The following AP1B1 variants were observed in gnomAD, a reference collection of about 807,000 sequenced individuals.
AP1B1 encodes adaptor related protein complex 1 subunit beta 1, also known as AP-1 complex subunit beta-1.
AP1B1 carries 36 observed loss-of-function variants against 104.3 expected under a neutral mutation model. The observed-to-expected ratio is 0.35, with a 90% CI of 0.26 to 0.46. The LOEUF is 0.46. AP1B1 is among the 20% of genes least tolerant of loss of function. The pLI is 1.00. For synonymous variants in AP1B1, 504 were observed against 517.5 expected (o/e 0.97, Z 0.35); for missense variants, 901 against 1,247.9 (o/e 0.72, Z 4.19).
chr22:29,359,709 G>T, intron 4 of AP1B1, 115 bp downstream of exon 4: 1 of 1,382,888 alleles, frequency 7.2e-7, no homozygotes. Flanking sequence ...GGCGGGCGCG[G>T]GCAGTCTGAA....
At chr22:29,339,300 A>T (rs2061680376) in intron 15 of AP1B1, among the ~76,000 whole-genome samples, 167 bp from the exon 16 acceptor site, 1 of 152,168 alleles carries the variant, frequency 6.6e-6, no homozygotes, top group African/African-American at 2.4e-5. Context: ...AGGTGGGTGG[A>T]GAAGAGAGGC....
chr22:29,347,384 A>G (rs1208780794), intron 11 of AP1B1, among the ~76,000 whole-genome samples: 1 of 152,218 alleles, frequency 6.6e-6, no homozygotes, highest in African/African-American at 2.4e-5. Context: ...TAGCAAGAGG[A>G]TGAGGGAAGA....
At chr22:29,346,597 C>T (rs2061796346) in intron 11 of AP1B1, among the ~76,000 whole-genome samples, 1 of 152,232 alleles carries the variant, frequency 6.6e-6, no homozygotes, top group South Asian at 2.1e-4. Context: ...CGCCGCTCAC[C>T]TCCCGCTGTG....
rs377468858 is a variant in AP1B1, at chr22:29,334,422, A to G, written c.2164-12T>C. The G allele has an allele frequency of 4.4e-5, 70 of 1,593,294 alleles. No individual in the cohort carries two copies. The African/African-American group carries it at 9.2e-4, about 21-fold the overall frequency. ...GCTGGGAGCCAGACCTGCAGGGAAG[A>G]GGGTGCGGAGGGGGCGGGTAGGTGC... is the stretch of plus-strand genomic sequence containing the variant. On this transcript the variant is annotated splice_polypyrimidine_tract_variant and intron_variant, in intron 16 of 22. Coordinates refer to ENST00000357586, the MANE Select transcript of AP1B1 (RefSeq NM_001127.4).
chr22:29,352,912 A>T (rs1323951171), intron 7 of AP1B1, among the ~76,000 whole-genome samples: 1 of 152,198 alleles, frequency 6.6e-6, no homozygotes, highest in African/African-American at 2.4e-5. Flanking sequence ...AGCATGATCG[A>T]TGCCTGCCTC....
intron 5 of AP1B1, among the ~76,000 whole-genome samples, chr22:29,357,102 C>T (rs2061971473): frequency 6.7e-6 from 1 of 149,184 alleles, no homozygotes; most frequent in African/African-American, 2.5e-5. Context: ...TGTGCTCTGT[C>T]GCCCAGGTTG....
chr22:29,388,112 G>A (rs1403383358), intron 1 of AP1B1, among the ~76,000 whole-genome samples: 3 of 152,240 alleles, frequency 2.0e-5, no homozygotes, highest in Non-Finnish European at 2.9e-5. Context: ...TCCGAAAGAG[G>A]AAATCAGAGC....
At chr22:29,346,174 G>C (rs1278195831) in intron 11 of AP1B1, among the ~76,000 whole-genome samples, 1 of 152,178 alleles carries the variant, frequency 6.6e-6, no homozygotes, top group East Asian at 1.9e-4. Context: ...CAACAGGGAG[G>C]AGGAGCTTGG....
At chr22:29,375,436 T>C (rs1392026308) in intron 1 of AP1B1, among the ~76,000 whole-genome samples, 3 of 150,946 alleles carry the variant, frequency 2.0e-5, no homozygotes, top group Non-Finnish European at 4.4e-5. Flanking sequence ...TGTTGAATGC[T>C]GTCAACCCAG....
intron 2 of AP1B1, among the ~76,000 whole-genome samples, chr22:29,366,833 GACACACACACACACACACACAC>G (rs200885223): frequency 6.8e-5 from 9 of 131,404 alleles, no homozygotes; most frequent in South Asian, 2.7e-4. Flanking sequence ...CTTGGATAAG[GACACACACACACACACACACAC>G]ACACACACAC....
At chr22:29,338,051 T>C (rs545783852) in intron 16 of AP1B1, among the ~76,000 whole-genome samples, 2 of 152,306 alleles carry the variant, frequency 1.3e-5, no homozygotes, top group East Asian at 3.9e-4. Flanking sequence ...GCCAGGAGTC[T>C]TGGGGGTGTG....
At position 29,328,576 on chromosome 22, in the gene AP1B1, T is replaced by C. The variant is rs2061510574; in HGVS notation, c.*245A>G. 1 of 499,472 alleles carries C rather than the reference T, an allele frequency of 2.0e-6. No homozygotes were observed. The highest frequency in any genetic ancestry group is 1.9e-5 in the African/African-American group (1 of 51,352). 30.9% of individuals were successfully genotyped at this position (499,472 alleles called of 1,614,324 possible). A position where few individuals can be genotyped will look rare whatever the true frequency, so the allele number is the denominator to read the frequency against. The stretch of plus-strand genomic sequence containing the variant: ...CTGTTTCCTTTGGTCCCCACCTCAC[T>C]TAACCCCACATCACAGCCACAGGAG... On this transcript the variant is annotated 3_prime_UTR_variant, in exon 23 of 23. Coordinates refer to ENST00000357586, the MANE Select transcript of AP1B1 (RefSeq NM_001127.4). This position sits in a 1 kb window ranked among gnomAD's most constrained non-coding sequence, Gnocchi z 4.1.
At chr22:29,354,303 G>C (rs905925477) in intron 7 of AP1B1, among the ~76,000 whole-genome samples, 4 of 152,186 alleles carry the variant, frequency 2.6e-5, no homozygotes, top group Non-Finnish European at 5.9e-5. Flanking sequence ...CTGCTTCCTA[G>C]TTAGGTTAAG....
intron 1 of AP1B1, among the ~76,000 whole-genome samples, chr22:29,382,208 G>T (rs943131429): frequency 6.6e-6 from 1 of 151,974 alleles, no homozygotes; most frequent in African/African-American, 2.4e-5. Flanking sequence ...CGTGTGCCAT[G>T]CCCAGCTAAT....
At chr22:29,385,381 G>A (rs1273030425) in intron 1 of AP1B1, among the ~76,000 whole-genome samples, 1 of 152,116 alleles carries the variant, frequency 6.6e-6, no homozygotes, top group African/African-American at 2.4e-5. Flanking sequence ...CCAAGATCCT[G>A]TCTCGAAAAA....
intron 11 of AP1B1, among the ~76,000 whole-genome samples, chr22:29,343,208 T>C (rs2061739850): frequency 6.6e-6 from 1 of 152,266 alleles, no homozygotes; most frequent in South Asian, 2.1e-4. Flanking sequence ...TCATTTTTGC[T>C]AGTCCTAGGA....
At chr22:29,341,462 G>C (rs769527386) in intron 13 of AP1B1, 39 bp downstream of exon 13, 1 of 1,588,736 alleles carries the variant, frequency 6.3e-7, no homozygotes, top group African/African-American at 1.3e-5. Context: ...TGGGGAAGCA[G>C]AGTGTGAAGG....
chr22:29,377,810 CAA>C (rs34461211), intron 1 of AP1B1, among the ~76,000 whole-genome samples: 22 of 76,600 alleles, frequency 2.9e-4, no homozygotes, highest in East Asian at 3.8e-4. Context: ...GACTCTGTCT[CAA>C]AAAAAAAAAA....
intron 15 of AP1B1, 136 bp downstream of exon 15, chr22:29,339,618 G>A (rs1156973220): frequency 8.9e-6 from 8 of 900,242 alleles, no homozygotes; most frequent in Non-Finnish European, 1.4e-5. Flanking sequence ...GAGGCTGCCA[G>A]GATGCTGGAC....
Sources: allele counts gnomAD v4.1 joint callset (sites outside exome capture counted in the v4.1 genomes callset), GRCh38; gene constraint gnomAD v4.1.1; non-coding constraint Gnocchi (gnomAD v3.1); transcripts MANE v1.5; gene names NCBI Gene and HGNC (gene_info 2026-07-23, HGNC 2026-07-21).